Variants in NEURL1 observed in about 807,000 individuals in gnomAD.
The protein encoded by NEURL1 is neuralized E3 ubiquitin protein ligase 1.
Under a neutral mutation model 41.2 loss-of-function variants are expected in NEURL1, and 26 were observed. The ratio of observed to expected loss-of-function variants is 0.63; its 90% CI spans 0.46 to 0.87. The LOEUF (loss-of-function observed/expected upper bound fraction) is 0.87, where lower values mean the gene tolerates loss of function less well. Among genes scored for constraint, NEURL1 ranks in the 40% least tolerant of loss-of-function variants. The pLI, the probability that NEURL1 is intolerant of heterozygous loss-of-function variation, is 0.00. For missense variants in NEURL1, 761 were observed against 871.1 expected (o/e 0.87, Z 1.59); for synonymous variants, 400 against 402.3 (o/e 0.99, Z 0.07).
Position 103,584,924 on chromosome 10 carries a change from T to A in NEURL1, c.1038T>A (p.Gly346=). Residue 346 remains glycine, a synonymous_variant, in exon 4 of 6, where the codon GGT becomes GGA. Transcript: ENST00000369780. ...TCTTCGTCAAGGTCACGCGCTCGGG[T>A]GGCGCGCGGCCCGGCGCGCTGTCGT... ...ETIFVKVTRS[G]GARPGALSFG... The A allele has an allele frequency of 6.9e-7, 1 of 1,452,182 alleles. No homozygotes were observed. The highest frequency in any genetic ancestry group is 3.0e-5 in the East Asian group (1 of 32,886). 90.0% of individuals were successfully genotyped at this position (1,452,182 alleles called of 1,614,324 possible). A position where few individuals can be genotyped will look rare whatever the true frequency, so the allele number is the denominator to read the frequency against.
At chr10:103,504,440 G>T (rs537041416) in intron 1 of NEURL1, among the ~76,000 whole-genome samples, 2 of 152,176 alleles carry the variant, frequency 1.3e-5, no homozygotes, top group African/African-American at 2.4e-5. Context: ...TTCTTCTCAT[G>T]ATTAGATTGC....
chr10:103,572,479 C>A (rs1564827335), intron 3 of NEURL1, among the ~76,000 whole-genome samples: 2 of 152,230 alleles, frequency 1.3e-5, no homozygotes, highest in South Asian at 4.1e-4. Flanking sequence ...TGGCCCCCAG[C>A]GTAAGTTAGG....
At position 103,590,189 on chromosome 10, in the gene NEURL1, G is replaced by A. The variant is rs2036009400; in HGVS notation, c.1542G>A (p.Leu514=). Residue 514 remains leucine (L), a synonymous_variant, in exon 6 of 6, where the codon CTG becomes CTA. Transcript: ENST00000369780. ...CCGAGTCGCCAGTGACCCCAGGTCT[G>A]GGCCAGTGGAGCGATGAGTGCACCA... ...SLPESPVTPG[L]GQWSDECTIC... 1.2e-6 allele frequency: 2 copies of A among 1,614,088 alleles called. No individual in the cohort carries two copies. The highest frequency in any genetic ancestry group is 3.3e-5 in the Admixed American group (2 of 60,008).
At chr10:103,496,889 T>C (rs1236440997) in intron 1 of NEURL1, among the ~76,000 whole-genome samples, 1 of 152,168 alleles carries the variant, frequency 6.6e-6, no homozygotes, top group Non-Finnish European at 1.5e-5. Context: ...ACTAATTGCA[T>C]CTTTTTAATC....
chr10:103,590,466 A>G lies in NEURL1; in HGVS notation c.*94A>G. ...GCCAGTGGGGCCCCTTCTCTTCCTC[A>G]TTTTGGAAACTTTTCCTCCTCTATT... On this transcript the variant is annotated 3_prime_UTR_variant, in exon 6 of 6. Coordinates refer to ENST00000369780, the MANE Select transcript of NEURL1 (RefSeq NM_004210.5). 1 of 1,004,512 alleles carries G rather than the reference A, an allele frequency of 1.0e-6. No homozygotes were observed. The highest frequency in any genetic ancestry group is 1.5e-6 in the Non-Finnish European group (1 of 660,486). The allele number at this position is 1,004,512 out of a possible 1,614,324, so 62.2% of individuals were successfully genotyped here. A position where few individuals can be genotyped will look rare whatever the true frequency, so the allele number is the denominator to read the frequency against.
intron 1 of NEURL1, among the ~76,000 whole-genome samples, chr10:103,506,358 G>A (rs1220005416): frequency 1.3e-5 from 2 of 152,186 alleles, no homozygotes; most frequent in African/African-American, 4.8e-5. Context: ...GAGGCTGTAA[G>A]GATATTCTAG....
rs1182598490 is a variant in NEURL1, at chr10:103,590,146, A to C, written c.1499A>C (p.Asn500Thr). The C allele has an allele frequency of 6.2e-7, 1 of 1,613,858 alleles. No individual in the cohort carries two copies. The highest frequency in any genetic ancestry group is 8.5e-7 in the Non-Finnish European group (1 of 1,180,012). ...LGSSAGGTAPNSPVSLPESPV... is the reference protein window; with the variant it reads ...LGSSAGGTAPTSPVSLPESPV... ...CCCTTGTCCTCAGGGACAGCCCCCA[A>C]TTCGCCAGTGAGCCTGCCCGAGTCG... The change falls in exon 6 of 6, where the codon AAT (asparagine) becomes ACT (threonine). Residue 500 changes from asparagine (N) to threonine (T), a missense_variant. Asn to Thr is a moderately conservative substitution (Grantham distance 65). Transcript: ENST00000369780.
chr10:103,542,272 G>A (rs561177437), intron 1 of NEURL1, among the ~76,000 whole-genome samples: 1 of 152,000 alleles, frequency 6.6e-6, no homozygotes. Flanking sequence ...TTTGTTTTTG[G>A]TTTTTTTGAG....
intron 1 of NEURL1, among the ~76,000 whole-genome samples, chr10:103,542,889 C>T (rs2034849752): frequency 2.0e-5 from 3 of 152,286 alleles, no homozygotes; most frequent in Middle Eastern, 3.4e-3. Flanking sequence ...AGGGAAAGCA[C>T]AGCTCCCTCT....
chr10:103,536,431 C>A (rs769069792), intron 1 of NEURL1, among the ~76,000 whole-genome samples: 1 of 152,072 alleles, frequency 6.6e-6, no homozygotes, highest in Non-Finnish European at 1.5e-5. Context: ...GTAGTTCCAG[C>A]TACTTGGGAG....
chr10:103,499,064 TCCC>T (rs2033759319), intron 1 of NEURL1, among the ~76,000 whole-genome samples: 2 of 152,248 alleles, frequency 1.3e-5, no homozygotes, highest in Non-Finnish European at 2.9e-5. Context: ...AGAGTACACC[TCCC>T]ATCTTTCAAA....
At chr10:103,553,660 G>C (rs1296948629) in intron 1 of NEURL1, among the ~76,000 whole-genome samples, 1 of 152,230 alleles carries the variant, frequency 6.6e-6, no homozygotes, top group Non-Finnish European at 1.5e-5. Context: ...GCAGGGTCTT[G>C]AGCTGCGGGC....
intron 1 of NEURL1, among the ~76,000 whole-genome samples, chr10:103,544,829 T>G (rs2034894147): frequency 6.6e-6 from 1 of 152,100 alleles, no homozygotes; most frequent in African/African-American, 2.4e-5. Flanking sequence ...AGGAGCTGCA[T>G]TTGCTGCCCA....
At chr10:103,530,253 C>G (rs547276237) in intron 1 of NEURL1, among the ~76,000 whole-genome samples, 1 of 150,564 alleles carries the variant, frequency 6.6e-6, no homozygotes, top group African/African-American at 2.4e-5. Flanking sequence ...TTTGTTTGTT[C>G]TTTCTTTTCT....
In NEURL1 at chr10:103,570,937, G is replaced by T. The variant is rs567919677; in HGVS notation, c.151G>T (p.Ala51Ser). The part of the protein sequence containing the change: ...RCHHKQKHCP[A>S]VLPSGGLPAT... ...CCACCACAAGCAGAAGCACTGTCCG[G>T]CAGTGCTGCCCAGCGGGGGGCTCCC... Residue 51 changes from alanine to serine, a missense_variant, in exon 2 of 6, where the codon GCA becomes TCA. Around this residue, in one of 5 missense-constraint regions of NEURL1, gnomAD observed 94 missense variants for 96.6 expected, o/e 0.97. Transcript: ENST00000369780. 4 of 1,613,886 alleles carry T rather than the reference G, an allele frequency of 2.5e-6. No homozygotes were observed. Among genetic ancestry groups the T allele is most frequent in the Admixed American group, 1.7e-5 (1 of 60,020 alleles).
intron 1 of NEURL1, among the ~76,000 whole-genome samples, chr10:103,563,651 C>T (rs1023676413): frequency 6.6e-5 from 10 of 152,092 alleles, no homozygotes; most frequent in African/African-American, 2.2e-4. Context: ...GATAGGAAAG[C>T]AGAATGATAT....
At chr10:103,560,258 T>TG (rs1349670982) in intron 1 of NEURL1, among the ~76,000 whole-genome samples, 9 of 152,136 alleles carry the variant, frequency 5.9e-5, no homozygotes, top group Non-Finnish European at 1.0e-4. Context: ...AGGCCTGGCC[T>TG]GGGGGGCTGG....
At position 103,494,269 on chromosome 10, in the gene NEURL1, C is replaced by G; in HGVS notation, c.-119C>G. On this transcript the variant is annotated 5_prime_UTR_variant, in exon 1 of 6. Coordinates refer to ENST00000369780, the MANE Select transcript of NEURL1 (RefSeq NM_004210.5). ...CTGCCCGCCCGCCCCCGGCTGCAGCCCCAGCAGGGCCCTCCCCCGGTGGCG... is the reference window on the plus strand; with the variant it reads ...CTGCCCGCCCGCCCCCGGCTGCAGCGCCAGCAGGGCCCTCCCCCGGTGGCG... 1.4e-6 allele frequency: 1 copy of G among 728,364 alleles called. No individual in the cohort carries two copies. The highest frequency in any genetic ancestry group is 2.1e-6 in the Non-Finnish European group (1 of 469,296). The allele number at this position is 728,364 out of a possible 1,614,324, so 45.1% of individuals were successfully genotyped here.
chr10:103,540,768 A>T (rs575873408), intron 1 of NEURL1, among the ~76,000 whole-genome samples: 6 of 152,246 alleles, frequency 3.9e-5, no homozygotes, highest in African/African-American at 1.2e-4. Context: ...GTATTTTTTT[A>T]AATTAAATAT....
Sources: gnomAD v4.1 joint callset for allele counts (sites outside exome capture counted in the v4.1 genomes callset) on GRCh38, gnomAD v4.1.1 for gene constraint, gnomAD v4.1.1 regional missense constraint, MANE v1.5 for transcripts, NCBI Gene and HGNC (gene_info 2026-07-23, HGNC 2026-07-21) for gene names.